C10orf143: variants seen among roughly 807,000 people sequenced by gnomAD.
C10orf143 encodes the protein uncharacterized protein C10orf143.
At chr10:130,070,046 A>T (rs1486695321) in intron 3 of C10orf143, among the ~76,000 whole-genome samples, 3 of 152,138 alleles carry the variant, frequency 2.0e-5, no homozygotes, top group African/African-American at 7.2e-5. Flanking sequence ...CATGAATGGG[A>T]TTCGCATCTG....
At chr10:130,039,362 C>A (rs1412134387) in intron 3 of C10orf143, among the ~76,000 whole-genome samples, 1 of 152,138 alleles carries the variant, frequency 6.6e-6, no homozygotes, top group Non-Finnish European at 1.5e-5. Context: ...GCCTGAGAGC[C>A]AGGGGAGTCC....
chr10:130,094,106 A>T lies in C10orf143; in HGVS notation c.70-14205T>A, dbSNP rs149777004. On this transcript the variant is annotated intron_variant, in intron 1 of 3. Transcript: ENST00000637128. ...GAGAATACTATAAACGGCTCTACAC[A>T]AATAAACTCAAAAATCTAGAAGAAA... 4.2e-3 allele frequency among the ~76,000 whole-genome samples: 638 copies of T among 152,234 alleles called. 4 individuals carry two copies. Among genetic ancestry groups the T allele is most frequent in the African/African-American group, 0.014 (584 of 41,544 alleles).
At chr10:130,083,677 A>C (rs1229501473) in intron 1 of C10orf143, among the ~76,000 whole-genome samples, 1 of 152,222 alleles carries the variant, frequency 6.6e-6, no homozygotes, top group Non-Finnish European at 1.5e-5. Context: ...TTGTGTAAGA[A>C]AGAAGGGGTT....
At chr10:130,042,288 C>T (rs993806641) in intron 3 of C10orf143, among the ~76,000 whole-genome samples, 6 of 152,202 alleles carry the variant, frequency 3.9e-5, no homozygotes, top group African/African-American at 1.4e-4. Context: ...ACTTTCACGC[C>T]GTTTGTTAGC....
chr10:130,106,479 T>C (rs996499176), intron 1 of C10orf143: 2 of 1,602,236 alleles, frequency 1.2e-6, no homozygotes, highest in Non-Finnish European at 1.7e-6. Flanking sequence ...GAGCATGAAA[T>C]TCTCTGTCTA....
intron 3 of C10orf143, among the ~76,000 whole-genome samples, chr10:130,045,086 C>T (rs761139170): frequency 6.6e-6 from 1 of 152,224 alleles, no homozygotes; most frequent in Admixed American, 6.5e-5. Flanking sequence ...GGGGCCCCCA[C>T]TGCCTGTGGA....
chr10:130,094,304 G>C (rs1436599007), intron 1 of C10orf143, among the ~76,000 whole-genome samples: 2 of 152,166 alleles, frequency 1.3e-5, no homozygotes, highest in East Asian at 3.9e-4. Flanking sequence ...GGTACAAAGA[G>C]GAGCTGGTAC....
chr10:130,084,287 C>T (rs912225828), intron 1 of C10orf143, among the ~76,000 whole-genome samples: 16 of 151,656 alleles, frequency 1.1e-4, no homozygotes, highest in African/African-American at 3.9e-4. Context: ...GCACTCCAAC[C>T]TGTGCAACAG....
At chr10:130,055,014 T>C (rs901309085) in intron 3 of C10orf143, among the ~76,000 whole-genome samples, 1 of 151,958 alleles carries the variant, frequency 6.6e-6, no homozygotes, top group African/African-American at 2.4e-5. Context: ...TACAAAAGAA[T>C]GAAATTGAAC....
At chr10:130,110,028 T>G (rs895302467) in intron 1 of C10orf143, among the ~76,000 whole-genome samples, 1 of 129,354 alleles carries the variant, frequency 7.7e-6, no homozygotes, top group Non-Finnish European at 1.8e-5. Flanking sequence ...CTTCTTTCAG[T>G]GCCCCTAAGA....
chr10:130,054,234 C>CA (rs1305876715), intron 3 of C10orf143, among the ~76,000 whole-genome samples: 1 of 152,144 alleles, frequency 6.6e-6, no homozygotes, highest in Non-Finnish European at 1.5e-5. Flanking sequence ...TCTGTGAGCT[C>CA]AAAGTTTCCA....
intron 3 of C10orf143, among the ~76,000 whole-genome samples, chr10:130,075,991 G>T (rs2388531): frequency 0.98 from 143,866 of 146,688 alleles, 70,560 homozygotes; most frequent in East Asian, 0.99. Flanking sequence ...TTGTTTGTTT[G>T]TTTTTTTTTT....
At chr10:130,109,526 G>A (rs1440494376) in intron 1 of C10orf143, among the ~76,000 whole-genome samples, 1 of 152,216 alleles carries the variant, frequency 6.6e-6, no homozygotes, top group East Asian at 1.9e-4. Flanking sequence ...TGCTTTGAAG[G>A]CTCTTGGTTA....
intron 3 of C10orf143, among the ~76,000 whole-genome samples, chr10:130,043,480 C>G (rs528186843): frequency 9.8e-5 from 15 of 152,300 alleles, no homozygotes; most frequent in African/African-American, 3.1e-4. Flanking sequence ...CTGTACTGTG[C>G]TTCTCTCTCT....
intron 1 of C10orf143, among the ~76,000 whole-genome samples, chr10:130,092,516 C>A (rs529487240): frequency 2.6e-5 from 4 of 152,198 alleles, no homozygotes; most frequent in Admixed American, 2.6e-4. Flanking sequence ...AATTAACGGG[C>A]AAAATAACTA....
At chr10:130,108,620 A>G in intron 1 of C10orf143, 3 of 503,758 alleles carry the variant, frequency 6.0e-6, no homozygotes, top group Non-Finnish European at 7.2e-6. Flanking sequence ...TTATAAGTAA[A>G]TTATTTCCAT....
intron 1 of C10orf143, among the ~76,000 whole-genome samples, chr10:130,091,008 G>A (rs934022814): frequency 3.9e-5 from 6 of 152,184 alleles, no homozygotes; most frequent in African/African-American, 7.2e-5. Context: ...AGACTTAAAC[G>A]TTCCTGCCTA....
chr10:130,043,911 G>A (rs1430404724), intron 3 of C10orf143, among the ~76,000 whole-genome samples: 1 of 152,172 alleles, frequency 6.6e-6, no homozygotes. Context: ...TTTAGTTTCT[G>A]CACATTACAG....
At chr10:130,108,418 T>A in intron 1 of C10orf143, 1 of 892,552 alleles carries the variant, frequency 1.1e-6, no homozygotes, top group Non-Finnish European at 1.9e-6. Flanking sequence ...CAAATGAGCC[T>A]GCTACGGAAC....
Sources: gnomAD v4.1 joint callset for allele counts (sites outside exome capture counted in the v4.1 genomes callset) on GRCh38, gnomAD v4.1.1 for gene constraint, MANE v1.5 for transcripts, NCBI Gene and HGNC (gene_info 2026-07-23, HGNC 2026-07-21) for gene names.